PRELID2: variants seen among roughly 807,000 people sequenced by gnomAD.
PRELID2 encodes PRELI domain-containing protein 2.
PRELID2 carries 25 observed loss-of-function variants against 28.4 expected under a neutral mutation model. The ratio of observed to expected loss-of-function variants is 0.88; its 90% confidence interval spans 0.64 to 1.23. PRELID2 has a LOEUF of 1.23. Among genes scored for constraint, PRELID2 ranks in the 50% most tolerant of loss-of-function variants. The pLI is 0.00. For synonymous variants in PRELID2, 76 were observed against 71.6 expected (o/e 1.06, Z -0.31); for missense variants, 201 against 214.4 (o/e 0.94, Z 0.39).
downstream of PRELID2, among the ~76,000 whole-genome samples, chr5:145,753,280 G>T (rs551618887): frequency 2.2e-3 from 342 of 152,278 alleles, 2 homozygotes; most frequent in Non-Finnish European, 3.8e-4. Flanking sequence ...TACATCTTAA[G>T]GTCCGGCCCT....
intron 1 of PRELID2, among the ~76,000 whole-genome samples, chr5:145,660,257 T>G (rs1380436569): frequency 2.0e-5 from 3 of 152,160 alleles, no homozygotes; most frequent in Non-Finnish European, 4.4e-5. Flanking sequence ...GAAACATGCC[T>G]TCCCTAATCT....
the PRELID2 span, among the ~76,000 whole-genome samples, chr5:145,413,417 T>C: frequency 5.3e-5 from 8 of 152,162 alleles, no homozygotes; most frequent in African/African-American, 1.9e-4. Context: ...TGGAAAACAG[T>C]ATGGAGATTC....
chr5:145,229,880 G>C, the PRELID2 span: 8 of 752,018 alleles, frequency 1.1e-5, no homozygotes, highest in Admixed American at 8.8e-5. Flanking sequence ...CGGTCCTCAA[G>C]GGCCAGGTGT....
chr5:145,652,042 T>A (rs1393845167), intron 1 of PRELID2, among the ~76,000 whole-genome samples: 1 of 151,760 alleles, frequency 6.6e-6, no homozygotes, highest in Admixed American at 6.6e-5. Flanking sequence ...AAATAACCAG[T>A]GTAGAGAAGT....
chr5:145,486,901 C>T (rs1752222942), intron 1 of PRELID2, among the ~76,000 whole-genome samples: 1 of 148,920 alleles, frequency 6.7e-6, no homozygotes, highest in Non-Finnish European at 1.5e-5. Context: ...CCATGGAATA[C>T]TATGCAGCCA....
intron 1 of PRELID2, among the ~76,000 whole-genome samples, chr5:145,736,372 A>C (rs1756497258): frequency 7.7e-6 from 1 of 129,072 alleles, no homozygotes; most frequent in South Asian, 2.8e-4. Flanking sequence ...ACAGAGGGTA[A>C]CTAACTTTCC....
rs768273274 is a variant in PRELID2, at chr5:145,586,328, C to T, written n.71-113013G>A. ...GTGCAGTTCACAATAACCTGTCCTTCCCTAACAACTCAATATTCATTAATA... is the reference window on the plus strand; with the variant it reads ...GTGCAGTTCACAATAACCTGTCCTTTCCTAACAACTCAATATTCATTAATA... On this transcript the variant is annotated intron_variant and non_coding_transcript_variant, in intron 1 of 2. Transcript: ENST00000510259. Among the ~76,000 whole-genome samples the T allele has an allele frequency of 1.1e-3, 163 of 152,086 alleles. 1 individual carries two copies. The highest frequency in any genetic ancestry group is 2.3e-3 in the Non-Finnish European group (154 of 67,982).
intron 1 of PRELID2, among the ~76,000 whole-genome samples, chr5:145,570,433 G>A (rs564685559): frequency 6.2e-4 from 94 of 152,156 alleles, no homozygotes; most frequent in African/African-American, 2.2e-3. Flanking sequence ...AAAAAAATTT[G>A]CAGGAGTAGT....
At chr5:145,814,993 T>G (rs1193261823) in intron 4 of PRELID2, among the ~76,000 whole-genome samples, 1 of 152,220 alleles carries the variant, frequency 6.6e-6, no homozygotes, top group Non-Finnish European at 1.5e-5. Flanking sequence ...TGCATGTCGG[T>G]GCCCTCCCCT....
chr5:145,459,728 C>G, the PRELID2 span, among the ~76,000 whole-genome samples: 1 of 151,876 alleles, frequency 6.6e-6, no homozygotes, highest in Non-Finnish European at 1.5e-5. Flanking sequence ...CCAAAAATGC[C>G]TCAACTATAT....
At chr5:145,801,158 A>T (rs1434413070) in intron 4 of PRELID2, among the ~76,000 whole-genome samples, 1 of 152,210 alleles carries the variant, frequency 6.6e-6, no homozygotes, top group Non-Finnish European at 1.5e-5. Flanking sequence ...GCCATCACCA[A>T]AAAGTCTATT....
the PRELID2 span, among the ~76,000 whole-genome samples, chr5:145,250,387 G>A: frequency 3.3e-5 from 5 of 152,130 alleles, no homozygotes; most frequent in African/African-American, 1.2e-4. Flanking sequence ...CAGAGTTTCT[G>A]ACTTCATTCA....
At chr5:145,804,307 G>C (rs1372091325) in intron 4 of PRELID2, among the ~76,000 whole-genome samples, 1 of 151,988 alleles carries the variant, frequency 6.6e-6, no homozygotes, top group Non-Finnish European at 1.5e-5. Flanking sequence ...TCAGGAGTTT[G>C]AGACCAGCCT....
the PRELID2 span, among the ~76,000 whole-genome samples, chr5:145,454,935 T>C: frequency 6.6e-6 from 1 of 152,234 alleles, no homozygotes; most frequent in Non-Finnish European, 1.5e-5. Flanking sequence ...AGGTTGCCTG[T>C]TCACTCTAAT....
At chr5:145,327,369 A>G in the PRELID2 span, among the ~76,000 whole-genome samples, 1 of 152,056 alleles carries the variant, frequency 6.6e-6, no homozygotes, top group Non-Finnish European at 1.5e-5. Flanking sequence ...TTATTATATA[A>G]TGACCTCTTT....
chr5:145,445,405 A>C, the PRELID2 span, among the ~76,000 whole-genome samples: 1 of 152,134 alleles, frequency 6.6e-6, no homozygotes, highest in Non-Finnish European at 1.5e-5. Flanking sequence ...CCTATATGTA[A>C]GAACTGAAAC....
intron 1 of PRELID2, among the ~76,000 whole-genome samples, chr5:145,829,524 A>G (rs527671987): frequency 6.6e-6 from 1 of 152,298 alleles, no homozygotes; most frequent in Non-Finnish European, 1.5e-5. Context: ...GCATTATCCA[A>G]TTTAATTTCT....
chr5:145,327,790 T>C, the PRELID2 span, among the ~76,000 whole-genome samples: 2,347 of 152,240 alleles, frequency 0.015, 54 homozygotes, highest in African/African-American at 0.053. Context: ...TAAAAAATTA[T>C]TATTTTTTAA....
chr5:145,229,698 T>G, the PRELID2 span: 2 of 760,494 alleles, frequency 2.6e-6, no homozygotes, highest in Admixed American at 1.7e-5. Context: ...CCATGCTCAT[T>G]TAGACATCAA....
Sources: allele counts gnomAD v4.1 joint callset (sites outside exome capture counted in the v4.1 genomes callset), GRCh38; gene constraint gnomAD v4.1.1; transcripts MANE v1.5; gene names NCBI Gene and HGNC (gene_info 2026-07-23, HGNC 2026-07-21).